VTI1A: variants seen among roughly 807,000 people sequenced by gnomAD.
VTI1A encodes vesicle transport through interaction with t-SNAREs homolog 1A.
A neutral mutation model predicts 34.9 loss-of-function variants in VTI1A; 22 were observed. The ratio of observed to expected loss-of-function variants is 0.63; its 90% CI spans 0.45 to 0.90. VTI1A has a LOEUF of 0.90. Ranked by LOEUF, VTI1A falls within the 40% of genes least tolerant of loss-of-function variation. The pLI is 0.00. For missense variants in VTI1A, 268 were observed against 275.6 expected, an observed-to-expected ratio of 0.97 and a Z score of 0.20; for synonymous variants, 87 against 97.3, an observed-to-expected ratio of 0.89 and a Z score of 0.62.
intron 5 of VTI1A, among the ~76,000 whole-genome samples, chr10:112,644,719 T>G (rs1164355196): frequency 6.6e-6 from 1 of 152,162 alleles, no homozygotes; most frequent in African/African-American, 2.4e-5. Flanking sequence ...TTTCTAACTG[T>G]TTTTTAAACT....
intron 7 of VTI1A, among the ~76,000 whole-genome samples, chr10:112,704,166 A>G (rs1380251651): frequency 6.6e-6 from 1 of 152,206 alleles, no homozygotes; most frequent in African/African-American, 2.4e-5. Flanking sequence ...GGCAATTCGT[A>G]TTAACAATAA....
intron 5 of VTI1A, among the ~76,000 whole-genome samples, chr10:112,597,377 C>T (rs539628986): frequency 1.3e-5 from 2 of 152,092 alleles, no homozygotes; most frequent in East Asian, 1.9e-4. Context: ...GTCACCACCC[C>T]CTGGCTAATT....
the VTI1A span, among the ~76,000 whole-genome samples, chr10:112,828,475 A>C: frequency 3.3e-5 from 5 of 151,988 alleles, no homozygotes; most frequent in Admixed American, 3.3e-4. Flanking sequence ...GCGCGATCTC[A>C]GCTCACTGCA....
the VTI1A span, among the ~76,000 whole-genome samples, chr10:112,834,728 C>G: frequency 6.6e-6 from 1 of 152,230 alleles, no homozygotes; most frequent in Non-Finnish European, 1.5e-5. Flanking sequence ...GCTGGAAGCT[C>G]GCTCCCCTGG....
At chr10:112,551,220 G>A (rs1303320921) in intron 5 of VTI1A, among the ~76,000 whole-genome samples, 1 of 146,434 alleles carries the variant, frequency 6.8e-6, no homozygotes, top group East Asian at 2.0e-4. Context: ...CTCCAGCCTG[G>A]GCGGCACAGC....
Position 112,447,367 on chromosome 10 carries a change from A to C in VTI1A, c.-7A>C. ...CTTTGGCCTGGGCTACTCGTTCCGG[A>C]GCCGCCATGTCGTCCGACTTCGAAG... On this transcript the variant is annotated 5_prime_UTR_variant, in exon 1 of 8. Transcript: ENST00000393077. The C allele has an allele frequency of 6.2e-7, 1 of 1,612,544 alleles. No homozygotes were observed. Among genetic ancestry groups the C allele is most frequent in the Non-Finnish European group, 8.5e-7 (1 of 1,179,608 alleles).
intron 5 of VTI1A, among the ~76,000 whole-genome samples, chr10:112,652,385 G>A (rs186057328): frequency 1.2e-4 from 18 of 152,198 alleles, no homozygotes; most frequent in Admixed American, 5.2e-4. Flanking sequence ...AAAACAAAAT[G>A]CACAAAATCC....
intron 5 of VTI1A, among the ~76,000 whole-genome samples, chr10:112,559,159 T>A (rs1391280735): frequency 6.6e-6 from 1 of 152,192 alleles, no homozygotes; most frequent in Non-Finnish European, 1.5e-5. Flanking sequence ...TAAGCAATAT[T>A]AATGATGATT....
intron 5 of VTI1A, among the ~76,000 whole-genome samples, chr10:112,560,325 G>T (rs949575762): frequency 3.3e-5 from 5 of 152,022 alleles, no homozygotes; most frequent in African/African-American, 9.7e-5. Flanking sequence ...TGATGCATTC[G>T]CATGTGAAAG....
In VTI1A at chr10:112,816,120, G is replaced by T. The variant is rs1342965700; in HGVS notation, c.*737G>T. ...ATACTCCCCAGAATCTGCTGGCAAA[G>T]TGAGCCCTGGTACAGGATTTAATTG... On this transcript the variant is annotated 3_prime_UTR_variant, in exon 8 of 8. Transcript: ENST00000393077. 1 of 219,352 alleles carries T rather than the reference G, an allele frequency of 4.6e-6. No individual in the cohort carries two copies. Among genetic ancestry groups the T allele is most frequent in the East Asian group, 6.7e-5 (1 of 14,932 alleles). The allele number at this position is 219,352 out of a possible 1,614,324, so 13.6% of individuals were successfully genotyped here.
chr10:112,734,893 A>G (rs1190307907), intron 7 of VTI1A, among the ~76,000 whole-genome samples: 1 of 151,942 alleles, frequency 6.6e-6, no homozygotes, highest in Non-Finnish European at 1.5e-5. Flanking sequence ...CGGCCTCCCA[A>G]AGTGCTGGGA....
the VTI1A span, among the ~76,000 whole-genome samples, chr10:112,838,414 G>A: frequency 4.6e-5 from 7 of 152,342 alleles, no homozygotes; most frequent in African/African-American, 1.7e-4. Context: ...TTACTGAAAA[G>A]TAAAAAGTGC....
the VTI1A span, among the ~76,000 whole-genome samples, chr10:112,836,851 TA>T: frequency 6.6e-6 from 1 of 152,224 alleles, no homozygotes; most frequent in African/African-American, 2.4e-5. Flanking sequence ...TCCAAGCTGC[TA>T]CCAGTCGTTT....
chr10:112,554,739 T>A (rs1367779913), intron 5 of VTI1A, among the ~76,000 whole-genome samples: 1 of 152,030 alleles, frequency 6.6e-6, no homozygotes, highest in African/African-American at 2.4e-5. Flanking sequence ...CTTGGCCAGG[T>A]TTGGGTACTA....
chr10:112,674,234 A>G (rs981808238), intron 7 of VTI1A, among the ~76,000 whole-genome samples: 84 of 152,332 alleles, frequency 5.5e-4, no homozygotes, highest in African/African-American at 2.0e-3. Flanking sequence ...TAGTGTAGCA[A>G]AATCTCAATG....
chr10:112,785,521 T>C (rs1852259688), intron 7 of VTI1A, among the ~76,000 whole-genome samples: 2 of 152,266 alleles, frequency 1.3e-5, no homozygotes, highest in Admixed American at 6.5e-5. Context: ...TGATAAAAAT[T>C]TATCAATTTT....
chr10:112,776,677 AT>A lies in VTI1A; in HGVS notation c.561-38594del, dbSNP rs1161945456. ...CCAAATCTTGAGTTAGGCTGACTTA[AT>A]TTTTTTTTTTTTTTTTTTGAGACGG... On this transcript the variant is annotated intron_variant, in intron 7 of 7. Transcript: ENST00000393077. Among the ~76,000 whole-genome samples, 880 of 131,268 alleles carry A rather than the reference AT, an allele frequency of 6.7e-3. 6 individuals carry two copies. The highest frequency in any genetic ancestry group is 0.013 in the African/African-American group (429 of 33,836). 86.1% of individuals were successfully genotyped at this position (131,268 alleles called of 152,430 possible).
chr10:112,471,676 A>G (rs1848089994), intron 3 of VTI1A, among the ~76,000 whole-genome samples: 2 of 152,110 alleles, frequency 1.3e-5, no homozygotes, highest in Admixed American at 6.6e-5. Context: ...ATTTGAAAAC[A>G]ACTTTTAAAA....
chr10:112,723,885 G>T (rs919728751), intron 7 of VTI1A, among the ~76,000 whole-genome samples: 3 of 152,160 alleles, frequency 2.0e-5, no homozygotes, highest in African/African-American at 7.2e-5. Flanking sequence ...CATATTACAG[G>T]TTTTCTAGCA....
Sources: gnomAD v4.1 joint callset for allele counts (sites outside exome capture counted in the v4.1 genomes callset) on GRCh38, gnomAD v4.1.1 for gene constraint, MANE v1.5 for transcripts, NCBI Gene and HGNC (gene_info 2026-07-23, HGNC 2026-07-21) for gene names.